Variants in GSTO2 observed in about 807,000 individuals in gnomAD.
GSTO2 encodes the protein glutathione S-transferase omega 2, also known as glutathione S-transferase omega-2.
A neutral mutation model predicts 28.4 loss-of-function variants in GSTO2; 23 were observed. That is an observed-to-expected ratio of 0.81 (90% CI 0.58 to 1.15). GSTO2 has a LOEUF of 1.15. Ranked by LOEUF, GSTO2 falls within the 50% of genes most tolerant of loss-of-function variation. The probability of loss-of-function intolerance (pLI) is 0.00; values close to 1 mark genes in which losing one functional copy is unlikely to be tolerated. For synonymous variants in GSTO2, 109 were observed against 111.0 expected (o/e 0.98, Z 0.11); for missense variants, 298 against 297.8 (o/e 1.00, Z 0.00).
intron 5 of GSTO2, among the ~76,000 whole-genome samples, chr10:104,294,665 T>C (rs2012942095): frequency 6.6e-6 from 1 of 152,218 alleles, no homozygotes; most frequent in South Asian, 2.1e-4. Flanking sequence ...GAAATGTGTA[T>C]GTGCATTTGC....
chr10:104,290,516 AG>A (rs1193634298), intron 5 of GSTO2, among the ~76,000 whole-genome samples: 1 of 151,972 alleles, frequency 6.6e-6, no homozygotes, highest in Non-Finnish European at 1.5e-5. Context: ...AAAAAAAAAA[AG>A]AAAAAAGAAA....
At chr10:104,295,735 C>G (rs1166418030) in intron 5 of GSTO2, 1 of 152,182 alleles carries the variant, frequency 6.6e-6, no homozygotes, top group Non-Finnish European at 1.5e-5. Context: ...AAGCTCACAT[C>G]CTTACCTACA....
intron 5 of GSTO2, among the ~76,000 whole-genome samples, chr10:104,281,559 C>T (rs574491701): frequency 1.1e-3 from 168 of 152,252 alleles, no homozygotes; most frequent in Non-Finnish European, 1.7e-3. Flanking sequence ...CTTCTTCAGT[C>T]GGGGGTCTTT....
At chr10:104,287,396 G>C (rs1438308401) in intron 5 of GSTO2, among the ~76,000 whole-genome samples, 2 of 152,166 alleles carry the variant, frequency 1.3e-5, no homozygotes, top group Non-Finnish European at 2.9e-5. Flanking sequence ...ACATATATAA[G>C]AGTGTTCCTT....
rs2013329189 is a variant in GSTO2 at position 104,303,856 on chromosome 10, C to A, written c.*4572C>A. The A allele has an allele frequency of 6.6e-6, 1 of 152,220 alleles. No individual in the cohort carries two copies. Among genetic ancestry groups the A allele is most frequent in the South Asian group, 2.1e-4 (1 of 4,832 alleles). The allele number at this position is 152,220 out of a possible 1,614,324, so 9.4% of individuals were successfully genotyped here. A position where few individuals can be genotyped will look rare whatever the true frequency, so the allele number is the denominator to read the frequency against. ...TAAAGTACAAGCTAGAGCAATCCCTCCAGTGCTGCAGAAACTGCCTGCATG... is the reference window on the plus strand; with the variant it reads ...TAAAGTACAAGCTAGAGCAATCCCTACAGTGCTGCAGAAACTGCCTGCATG... On this transcript the variant is annotated 3_prime_UTR_variant, in exon 7 of 7. Coordinates refer to ENST00000338595, the MANE Select transcript of GSTO2 (RefSeq NM_183239.2).
chr10:104,295,199 C>T (rs2012967897), intron 5 of GSTO2: 1 of 152,190 alleles, frequency 6.6e-6, no homozygotes, highest in Admixed American at 6.5e-5. Flanking sequence ...GTTCCTTTCC[C>T]CTCTAACCAA....
chr10:104,275,180 T>C, intron 2 of GSTO2, 46 bp from the exon 3 acceptor site: 1 of 1,564,910 alleles, frequency 6.4e-7, no homozygotes, highest in East Asian at 2.3e-5. Context: ...CTCACCGGGC[T>C]GACTAGCCTC....
chr10:104,278,561 A>C (rs1412070638), intron 4 of GSTO2, among the ~76,000 whole-genome samples: 1 of 152,184 alleles, frequency 6.6e-6, no homozygotes, highest in African/African-American at 2.4e-5. Flanking sequence ...GGCTCACTGC[A>C]ACCTCTGCCA....
intron 1 of GSTO2, among the ~76,000 whole-genome samples, chr10:104,272,294 ATTTG>A (rs1466449640): frequency 6.6e-6 from 1 of 152,218 alleles, no homozygotes; most frequent in Non-Finnish European, 1.5e-5. Context: ...AGCCACACCC[ATTTG>A]TTTATTTATC....
Position 104,270,571 on chromosome 10 carries a change from G to A in GSTO2, c.-232+1302G>A, listed in dbSNP as rs2011348672. On this transcript the variant is annotated intron_variant, in intron 1 of 6. Transcript: ENST00000338595. ...GGAAGCAGAATCAAGTAGTTAAAAAGATAGCCTCATTTGACCCTGATTTCC... is the reference window on the plus strand; with the variant it reads ...GGAAGCAGAATCAAGTAGTTAAAAAAATAGCCTCATTTGACCCTGATTTCC... Among the ~76,000 whole-genome samples, 3 of 152,198 alleles carry A rather than the reference G, an allele frequency of 2.0e-5. No homozygotes were observed. In the South Asian group the frequency reaches 6.2e-4, roughly 32 times the overall value.
intron 3 of GSTO2, 21 bp downstream of exon 3, chr10:104,275,355 G>GC (rs2011582135): frequency 6.2e-7 from 1 of 1,611,746 alleles, no homozygotes; most frequent in Non-Finnish European, 8.5e-7. Flanking sequence ...GGAACCCAGA[G>GC]CCCCCGAGCA....
At chr10:104,293,940 T>A (rs1029635516) in intron 5 of GSTO2, among the ~76,000 whole-genome samples, 5 of 152,148 alleles carry the variant, frequency 3.3e-5, no homozygotes, top group Non-Finnish European at 4.4e-5. Context: ...GAGAGCCCGT[T>A]AACCTCCCTG....
At position 104,277,970 on chromosome 10, in the gene GSTO2, G is replaced by A. The variant is rs760917764; in HGVS notation, c.220G>A (p.Val74Ile). The A allele has an allele frequency of 6.2e-7, 1 of 1,613,916 alleles. No homozygotes were observed. Among genetic ancestry groups the A allele is most frequent in the Admixed American group, 1.7e-5 (1 of 59,998 alleles). ...AAAGCACCCTTTTGGCCACATTCCT[G>A]TCCTGGAGACCAGCCAATGTCAACT... ...YTKHPFGHIP[V>I]LETSQCQLIY... is the part of the protein sequence containing the mutation. Residue 74 changes from valine (V) to isoleucine (I), a missense_variant, in exon 4 of 7, where the codon GTC becomes ATC. Physicochemically the swap from Val to Ile is conservative, Grantham distance 29 (BLOSUM62 3). Transcript: ENST00000338595.
chr10:104,283,616 A>T (rs551614899), intron 5 of GSTO2, among the ~76,000 whole-genome samples: 24 of 152,290 alleles, frequency 1.6e-4, no homozygotes, highest in Admixed American at 8.5e-4. Flanking sequence ...ACACAGCAAG[A>T]CTCTGTCTCA....
intron 3 of GSTO2, among the ~76,000 whole-genome samples, chr10:104,277,293 A>C (rs72825844): frequency 6.9e-6 from 1 of 145,556 alleles, no homozygotes; most frequent in Non-Finnish European, 1.5e-5. Context: ...TGGCTCTACT[A>C]CTTTTTTTTT....
At chr10:104,295,366 A>G (rs933461656) in intron 5 of GSTO2, 1 of 152,198 alleles carries the variant, frequency 6.6e-6, no homozygotes, top group Non-Finnish European at 1.5e-5. Flanking sequence ...GGACTTCTCT[A>G]TGCCACACTG....
intron 2 of GSTO2, 47 bp from the exon 3 acceptor site, chr10:104,275,179 C>A: frequency 6.4e-7 from 1 of 1,562,838 alleles, no homozygotes; most frequent in Non-Finnish European, 8.7e-7. Context: ...CCTCACCGGG[C>A]TGACTAGCCT....
At position 104,303,321 on chromosome 10, in the gene GSTO2, G is replaced by A. The variant is rs2013314975; in HGVS notation, c.*4037G>A. On this transcript the variant is annotated 3_prime_UTR_variant, in exon 7 of 7. Transcript: ENST00000338595. ...GTGAAGGCCAGGCTGAGGAGGTGAT[G>A]GAAATGAGGAACTTACTGGGAACTG... 6.6e-6 allele frequency: 1 copy of A among 152,196 alleles called. No homozygotes were observed. Among genetic ancestry groups the A allele is most frequent in the South Asian group, 2.1e-4 (1 of 4,832 alleles). The allele number at this position is 152,196 out of a possible 1,614,324, so 9.4% of individuals were successfully genotyped here. A position where few individuals can be genotyped will look rare whatever the true frequency, so the allele number is the denominator to read the frequency against.
intron 5 of GSTO2, among the ~76,000 whole-genome samples, chr10:104,290,017 GT>G (rs1589871326): frequency 6.6e-6 from 1 of 152,224 alleles, no homozygotes; most frequent in East Asian, 1.9e-4. Flanking sequence ...GTGGAGAACA[GT>G]TTGGAGGTTC....
Sources: gnomAD v4.1 joint callset for allele counts (sites outside exome capture counted in the v4.1 genomes callset) on GRCh38, gnomAD v4.1.1 for gene constraint, MANE v1.5 for transcripts, NCBI Gene and HGNC (gene_info 2026-07-23, HGNC 2026-07-21) for gene names.